UHRF1: variants seen among roughly 807,000 people sequenced by gnomAD.
UHRF1 encodes the protein ubiquitin like with PHD and ring finger domains 1, also known as E3 ubiquitin-protein ligase UHRF1.
A neutral mutation model predicts 96.5 loss-of-function variants in UHRF1; 9 were observed. The ratio of observed to expected loss-of-function variants is 0.09; its 90% CI spans 0.06 to 0.16. UHRF1 has a LOEUF of 0.16. Ranked by LOEUF, UHRF1 falls within the 10% of genes least tolerant of loss-of-function variation. The probability of loss-of-function intolerance (pLI) is 1.00; values close to 1 mark genes in which losing one functional copy is unlikely to be tolerated. For missense variants in UHRF1, 626 were observed against 1,131.1 expected, an observed-to-expected ratio of 0.55 and a Z score of 6.40; for synonymous variants, 455 against 469.9, an observed-to-expected ratio of 0.97 and a Z score of 0.41.
upstream of UHRF1, among the ~76,000 whole-genome samples, chr19:4,908,798 C>T (rs1378714562): frequency 6.6e-6 from 1 of 152,336 alleles, no homozygotes; most frequent in African/African-American, 2.4e-5. Flanking sequence ...CCAACTGGGT[C>T]TGCCATGTAC....
chr19:4,916,902 C>T (rs903337815), intron 2 of UHRF1, among the ~76,000 whole-genome samples: 2 of 152,164 alleles, frequency 1.3e-5, no homozygotes, highest in South Asian at 2.1e-4. Flanking sequence ...GAGGCTTACA[C>T]GGTCTTTGCT....
At chr19:4,909,849 C>A in intron 1 of UHRF1, 194 bp downstream of exon 1, 1 of 389,726 alleles carries the variant, frequency 2.6e-6, no homozygotes. Flanking sequence ...CCGGGACCAG[C>A]GCTGCGTCCC....
At chr19:4,941,659 C>G (rs780648714) in intron 6 of UHRF1, 31 bp downstream of exon 6, 2 of 1,601,066 alleles carry the variant, frequency 1.2e-6, no homozygotes, top group South Asian at 2.2e-5. Context: ...TCCCCATCTT[C>G]CGCGGTGGGC....
intron 5 of UHRF1, among the ~76,000 whole-genome samples, chr19:4,934,363 C>T (rs535249533): frequency 1.3e-5 from 2 of 152,256 alleles, no homozygotes; most frequent in East Asian, 1.9e-4. Flanking sequence ...CATGTTTAAG[C>T]GCACAGTTCG....
Position 4,961,513 on chromosome 19 carries a change from C to G in UHRF1, c.*710C>G, listed in dbSNP as rs1032641786. 1 of 152,498 alleles carries G rather than the reference C, an allele frequency of 6.6e-6. No individual in the cohort carries two copies. Among genetic ancestry groups the G allele is most frequent in the African/African-American group, 2.4e-5 (1 of 41,474 alleles). The allele number at this position is 152,498 out of a possible 1,614,324, so 9.4% of individuals were successfully genotyped here. On this transcript the variant is annotated 3_prime_UTR_variant, in exon 17 of 17. Coordinates refer to ENST00000650932, the MANE Select transcript of UHRF1 (RefSeq NM_001048201.3). ...GCTCCACGTGGGGCCAGGCGTGTGA[C>G]TGACGCTGTCCGACGAAGGCGGCCA...
At chr19:4,909,283 C>G (rs1025449312), upstream of UHRF1, 1 of 532,646 alleles carries the variant, frequency 1.9e-6, no homozygotes, top group African/African-American at 2.0e-5. Context: ...TGCCACGCAG[C>G]CCCTTTGCAC....
At chr19:4,914,193 G>T (rs2146288647) in intron 2 of UHRF1, among the ~76,000 whole-genome samples, 1 of 152,246 alleles carries the variant, frequency 6.6e-6, no homozygotes, top group Admixed American at 6.6e-5. Flanking sequence ...AGGTGATGCA[G>T]TTTCCCCACT....
At chr19:4,941,955 G>C in intron 7 of UHRF1, 24 bp downstream of exon 7, 14 of 1,463,292 alleles carry the variant, frequency 9.6e-6, no homozygotes, top group Non-Finnish European at 1.3e-5. Flanking sequence ...TGCCCGCCGC[G>C]GGGAGACCAG....
intron 1 of UHRF1, 27 bp downstream of exon 1, chr19:4,909,682 C>A: frequency 2.0e-6 from 1 of 512,314 alleles, no homozygotes; most frequent in South Asian, 2.6e-5. Flanking sequence ...GGTCGGGGTG[C>A]CAGCCCGGGC....
At chr19:4,949,812 G>C (rs1348459990) in intron 11 of UHRF1, among the ~76,000 whole-genome samples, 3 of 151,772 alleles carry the variant, frequency 2.0e-5, no homozygotes, top group Non-Finnish European at 4.4e-5. Flanking sequence ...TCCAGCCTGG[G>C]TGACAGAGTG....
chr19:4,936,825 AG>A (rs2033230079), intron 5 of UHRF1, among the ~76,000 whole-genome samples: 4 of 151,882 alleles, frequency 2.6e-5, no homozygotes, highest in African/African-American at 9.7e-5. Flanking sequence ...AAAAGTGAAA[AG>A]AAAAAAAAAC....
chr19:4,903,985 C>CT (rs566325507), intron 1 of UHRF1, among the ~76,000 whole-genome samples: 8 of 150,306 alleles, frequency 5.3e-5, no homozygotes, highest in South Asian at 4.2e-4. Flanking sequence ...TGACATTTCT[C>CT]TTTTTTTTTG....
At chr19:4,942,278 CCT>C (rs1233152573) in intron 7 of UHRF1, among the ~76,000 whole-genome samples, 2 of 152,076 alleles carry the variant, frequency 1.3e-5, no homozygotes, top group African/African-American at 4.8e-5. Context: ...GCAAGCTCCG[CCT>C]CTCGGGTTCA....
At chr19:4,939,220 T>G (rs944398159) in intron 5 of UHRF1, among the ~76,000 whole-genome samples, 3 of 26,874 alleles carry the variant, frequency 1.1e-4, no homozygotes, top group Non-Finnish European at 3.9e-4. Context: ...ACCCGGCCAT[T>G]TTTTTTTTTT....
intron 7 of UHRF1, among the ~76,000 whole-genome samples, chr19:4,942,625 T>C (rs1013185842): frequency 7.2e-5 from 11 of 152,086 alleles, no homozygotes; most frequent in African/African-American, 2.7e-4. Flanking sequence ...ATTTTTGTAT[T>C]TTTAGTAGAG....
At chr19:4,912,228 G>T (rs1242488416) in intron 2 of UHRF1, among the ~76,000 whole-genome samples, 2 of 152,224 alleles carry the variant, frequency 1.3e-5, no homozygotes, top group Admixed American at 6.5e-5. Flanking sequence ...GCAGAGAAGA[G>T]GCAGGGCCGG....
At chr19:4,936,968 C>A (rs748240936) in intron 5 of UHRF1, among the ~76,000 whole-genome samples, 1 of 152,136 alleles carries the variant, frequency 6.6e-6, no homozygotes, top group Non-Finnish European at 1.5e-5. Context: ...AAATCCTTCT[C>A]GTTACCCCTT....
At chr19:4,948,194 G>A (rs139372331) in intron 11 of UHRF1, among the ~76,000 whole-genome samples, 148 of 151,742 alleles carry the variant, frequency 9.8e-4, no homozygotes, top group African/African-American at 3.4e-3. Context: ...CTCTTGTGTC[G>A]TAGCACAAAA....
rs1221616214 is a variant in UHRF1 at position 4,930,230 on chromosome 19, C to T, written c.409-486C>T. On this transcript the variant is annotated intron_variant, in intron 3 of 16. Coordinates refer to ENST00000650932, the MANE Select transcript of UHRF1 (RefSeq NM_001048201.3). This position sits in a 1 kb window ranked among gnomAD's most constrained non-coding sequence, Gnocchi z 4.4. ...CCTCAAGTGATCTTCCCGCCGCAGC[C>T]TCCCAAAGTGCTGGAATTATAGGTG... is the stretch of plus-strand genomic sequence containing the variant. Among the ~76,000 whole-genome samples, 2 of 152,228 alleles carry T rather than the reference C, an allele frequency of 1.3e-5. No individual in the cohort carries two copies. Among genetic ancestry groups the T allele is most frequent in the Non-Finnish European group, 2.9e-5 (2 of 68,042 alleles).
Sources: gnomAD v4.1 joint callset for allele counts (sites outside exome capture counted in the v4.1 genomes callset) on GRCh38, gnomAD v4.1.1 for gene constraint, Gnocchi (gnomAD v3.1) non-coding constraint, MANE v1.5 for transcripts, NCBI Gene and HGNC (gene_info 2026-07-23, HGNC 2026-07-21) for gene names.